The following SGCG variants were observed in gnomAD, a reference collection of about 807,000 sequenced individuals.
SGCG encodes gamma-sarcoglycan.
SGCG carries 26 observed loss-of-function variants against 29.3 expected under a neutral mutation model. The observed-to-expected ratio is 0.89, with a 90% CI of 0.65 to 1.23. The LOEUF (loss-of-function observed/expected upper bound fraction) is 1.23. SGCG is among the 50% of genes most tolerant of loss of function. SGCG has a pLI of 0.00. For missense variants in SGCG, 353 were observed against 356.0 expected (o/e 0.99, Z 0.07); for synonymous variants, 145 against 129.7 (o/e 1.12, Z -0.80).
At chr13:23,312,363 TTGAA>T (rs1246910935) in intron 6 of SGCG, among the ~76,000 whole-genome samples, 1 of 152,212 alleles carries the variant, frequency 6.6e-6, no homozygotes, top group Non-Finnish European at 1.5e-5. Context: ...TTTTGGTGTT[TTGAA>T]AACTAGAAAG....
intron 6 of SGCG, among the ~76,000 whole-genome samples, chr13:23,295,859 C>T (rs920956179): frequency 5.3e-5 from 8 of 152,238 alleles, no homozygotes; most frequent in African/African-American, 1.7e-4. Flanking sequence ...CACAGCCCTT[C>T]ATAGTCTGGG....
upstream of SGCG, among the ~76,000 whole-genome samples, chr13:23,176,762 G>A (rs1347143399): frequency 2.0e-5 from 3 of 152,084 alleles, no homozygotes; most frequent in Non-Finnish European, 4.4e-5. Flanking sequence ...ACTTATTCCT[G>A]CTATTTTATT....
chr13:23,189,416 A>C (rs1877149148), intron 1 of SGCG, among the ~76,000 whole-genome samples: 2 of 152,180 alleles, frequency 1.3e-5, no homozygotes, highest in Admixed American at 1.3e-4. Context: ...AGCTCAGGGA[A>C]TCCACCTGCC....
At chr13:23,200,090 C>G (rs1320285078) in intron 1 of SGCG, among the ~76,000 whole-genome samples, 1 of 151,376 alleles carries the variant, frequency 6.6e-6, no homozygotes, top group Non-Finnish European at 1.5e-5. Flanking sequence ...TGAAGTAACA[C>G]TCAACCTATT....
intron 3 of SGCG, among the ~76,000 whole-genome samples, chr13:23,248,591 G>A (rs897202594): frequency 6.6e-6 from 1 of 152,036 alleles, no homozygotes; most frequent in Non-Finnish European, 1.5e-5. Context: ...CTCTTCCGGA[G>A]GCTGAGGCAG....
intron 1 of SGCG, among the ~76,000 whole-genome samples, chr13:23,188,286 C>T (rs1191761420): frequency 6.8e-6 from 1 of 146,862 alleles, no homozygotes; most frequent in Non-Finnish European, 1.5e-5. Context: ...TCTCTCTCAC[C>T]GTCTGAACAC....
chr13:23,313,865 C>T (rs1411570335), intron 6 of SGCG, among the ~76,000 whole-genome samples: 4 of 152,144 alleles, frequency 2.6e-5, no homozygotes, highest in Non-Finnish European at 5.9e-5. Context: ...CACCCTTAAC[C>T]CCAGTGGGCA....
chr13:23,171,409 CT>C, the SGCG span, among the ~76,000 whole-genome samples: 1 of 152,168 alleles, frequency 6.6e-6, no homozygotes, highest in Admixed American at 6.5e-5. Context: ...GCTCAGCTGA[CT>C]TCAAAGCCTG....
chr13:23,234,337 G>T (rs1032144211), intron 2 of SGCG, among the ~76,000 whole-genome samples: 2 of 151,772 alleles, frequency 1.3e-5, no homozygotes, highest in African/African-American at 4.8e-5. Context: ...TTAAAAAAAT[G>T]GATTCTTTTT....
intron 6 of SGCG, among the ~76,000 whole-genome samples, chr13:23,308,779 G>C (rs931528258): frequency 1.3e-5 from 2 of 152,158 alleles, no homozygotes; most frequent in Non-Finnish European, 2.9e-5. Context: ...GGCCAGGCTG[G>C]TTTCAAACTC....
chr13:23,179,578 TA>T, upstream of SGCG, among the ~76,000 whole-genome samples: 1 of 152,228 alleles, frequency 6.6e-6, no homozygotes, highest in Non-Finnish European at 1.5e-5. Context: ...TTTAATATAT[TA>T]TTTTTGTTTA....
intron 4 of SGCG, among the ~76,000 whole-genome samples, chr13:23,264,128 A>C (rs1880550800): frequency 6.6e-6 from 1 of 152,144 alleles, no homozygotes; most frequent in Non-Finnish European, 1.5e-5. Flanking sequence ...AAATTGGAAA[A>C]GAAATCAAAG....
At chr13:23,233,990 G>T (rs570735734) in intron 2 of SGCG, among the ~76,000 whole-genome samples, 1 of 152,308 alleles carries the variant, frequency 6.6e-6, no homozygotes, top group Admixed American at 6.5e-5. Flanking sequence ...ATTGGGAAAT[G>T]CCCACAAGTT....
intron 4 of SGCG, among the ~76,000 whole-genome samples, chr13:23,272,329 A>G (rs1178616141): frequency 6.6e-6 from 1 of 152,128 alleles, no homozygotes; most frequent in Non-Finnish European, 1.5e-5. Flanking sequence ...AGCATCCCTC[A>G]ATGCCTATTT....
intron 2 of SGCG, among the ~76,000 whole-genome samples, chr13:23,217,094 C>T (rs1389804396): frequency 6.6e-6 from 1 of 152,072 alleles, no homozygotes; most frequent in Non-Finnish European, 1.5e-5. Flanking sequence ...TACAATGTCT[C>T]CTTTTCCAAA....
chr13:23,238,126 C>T (rs1426233629), intron 3 of SGCG, among the ~76,000 whole-genome samples: 4 of 152,140 alleles, frequency 2.6e-5, no homozygotes, highest in Non-Finnish European at 4.4e-5. Context: ...AGAGTGACTC[C>T]TCAAATTGCC....
the SGCG span, among the ~76,000 whole-genome samples, chr13:23,163,310 C>G: frequency 6.6e-6 from 1 of 152,166 alleles, no homozygotes; most frequent in Non-Finnish European, 1.5e-5. Context: ...GAATAGGAAA[C>G]AGCAGGTAAA....
At chr13:23,164,193 T>C in the SGCG span, among the ~76,000 whole-genome samples, 1 of 152,244 alleles carries the variant, frequency 6.6e-6, no homozygotes, top group Non-Finnish European at 1.5e-5. Flanking sequence ...TATTTGTTTA[T>C]AACTCCCCTT....
chr13:23,218,953 C>T (rs749642608), intron 2 of SGCG, among the ~76,000 whole-genome samples: 22 of 146,046 alleles, frequency 1.5e-4, no homozygotes, highest in Admixed American at 4.8e-4. Flanking sequence ...TATTTTGGCT[C>T]ATAATTTTCC....
Sources: gnomAD v4.1 joint callset for allele counts (sites outside exome capture counted in the v4.1 genomes callset) on GRCh38, gnomAD v4.1.1 for gene constraint, MANE v1.5 for transcripts, NCBI Gene and HGNC (gene_info 2026-07-23, HGNC 2026-07-21) for gene names.